Variants in UBB observed in about 807,000 individuals in gnomAD.
UBB encodes ubiquitin B.
A neutral mutation model predicts 12.5 loss-of-function variants in UBB; 11 were observed. The observed-to-expected ratio is 0.88, with a 90% CI of 0.55 to 1.45. The LOEUF (loss-of-function observed/expected upper bound fraction) is 1.45, where lower values mean the gene tolerates loss of function less well. Among genes scored for constraint, UBB ranks in the 40% most tolerant of loss-of-function variants. The pLI, the probability that UBB is intolerant of heterozygous loss-of-function variation, is 0.00. For synonymous variants in UBB, 168 were observed against 120.1 expected (o/e 1.40, Z -2.61); for missense variants, 76 against 286.9 (o/e 0.26, Z 5.31).
chr17:16,381,035 G>T (rs2093272786), upstream of UBB: 2 of 153,536 alleles, frequency 1.3e-5, no homozygotes, highest in East Asian at 1.9e-4. Flanking sequence ...TCTACGTGAG[G>T]GGTGATAAGT....
chr17:16,382,559 ACCCTGCACC>A lies in UBB; in HGVS notation c.653_661del (p.Thr218_Leu221delinsMet), dbSNP rs779875393. ...TGACTACAACATCCAGAAAGAGTCG[ACCCTGCACC>A]TGGTCCTGCGCCTGAGGGGTGGCTG... On this transcript the variant is annotated inframe_deletion, in exon 2 of 2. Coordinates refer to ENST00000302182, the MANE Select transcript of UBB (RefSeq NM_018955.4). 6.2e-7 allele frequency: 1 copy of A among 1,613,952 alleles called. No individual in the cohort carries two copies. Among genetic ancestry groups the A allele is most frequent in the African/African-American group, 1.3e-5 (1 of 75,060 alleles).
chr17:16,381,703 C>T (rs1364668486), intron 1 of UBB, 199 bp from the exon 2 acceptor site: 6 of 735,594 alleles, frequency 8.2e-6, no homozygotes, highest in African/African-American at 1.8e-5. Flanking sequence ...CTGGATTTTC[C>T]GCTGTTGACG....
upstream of UBB, chr17:16,381,026 C>G (rs2093272748): frequency 6.5e-6 from 1 of 153,464 alleles, no homozygotes; most frequent in African/African-American, 2.4e-5. Flanking sequence ...GAGACGGCGT[C>G]TACGTGAGGG....
rs7208009 is a variant in UBB, at chr17:16,381,168, C to T, written c.-23C>T. 3 of 150,966 alleles carry T rather than the reference C, an allele frequency of 2.0e-5. No individual in the cohort carries two copies. Among genetic ancestry groups the T allele is most frequent in the Non-Finnish European group, 2.9e-5 (2 of 68,396 alleles). 9.4% of individuals were successfully genotyped at this position (150,966 alleles called of 1,614,324 possible). On this transcript the variant is annotated 5_prime_UTR_variant, in exon 1 of 2. Coordinates refer to ENST00000302182, the MANE Select transcript of UBB (RefSeq NM_018955.4). ...GACGTGGTTGGTGATTGGCAGGATC[C>T]TGGTATCCGCTAACAGGTACTGGCC...
chr17:16,381,797 A>T, intron 1 of UBB, 105 bp from the exon 2 acceptor site: 1 of 1,366,584 alleles, frequency 7.3e-7, no homozygotes, highest in Non-Finnish European at 9.9e-7. Context: ...TAACGTATTT[A>T]AGGCATTTTG....
rs746049133 is a variant in UBB at position 16,382,120 on chromosome 17, G to C, written c.213G>C (p.Leu71=). 8 of 1,598,612 alleles carry C rather than the reference G, an allele frequency of 5.0e-6. No individual in the cohort carries two copies. The South Asian group carries it at 8.8e-5, about 18-fold the overall frequency. ...AGGAGTCGACCCTGCACCTGGTCCT[G>C]CGTCTGAGAGGTGGTATGCAGATCT... ...IQKESTLHLV[L]RLRGGMQIFV... The change falls in exon 2 of 2, where the codon CTG becomes CTC. Residue 71 remains leucine (L), a synonymous_variant. Transcript: ENST00000302182.
rs773837223 is a variant in UBB at position 16,382,574 on chromosome 17, C to T, written c.667C>T (p.Leu223=). ...GAAAGAGTCGACCCTGCACCTGGTC[C>T]TGCGCCTGAGGGGTGGCTGTTAATT... ...IQKESTLHLV[L]RLRGGC is the part of the protein sequence containing the mutation. Residue 223 remains leucine (L), a synonymous_variant, in exon 2 of 2, where the codon CTG becomes TTG. Transcript: ENST00000302182. The T allele has an allele frequency of 1.2e-6, 2 of 1,613,990 alleles. No homozygotes were observed. The highest frequency in any genetic ancestry group is 4.5e-5 in the East Asian group (2 of 44,894).
rs1259917076 is a variant in UBB at position 16,381,551 on chromosome 17, C to A, written c.-6-351C>A. The A allele has an allele frequency of 1.1e-5, 3 of 277,326 alleles. No homozygotes were observed. In the East Asian group the frequency reaches 2.5e-4, roughly 23 times the overall value. The allele number at this position is 277,326 out of a possible 1,614,324, so 17.2% of individuals were successfully genotyped here. A position where few individuals can be genotyped will look rare whatever the true frequency, so the allele number is the denominator to read the frequency against. ...TTGTGTTTCAATGGGATTTTTATTTCGCGAGTCTTGTGGGTTTGGTTTTGT... is the reference window on the plus strand; with the variant it reads ...TTGTGTTTCAATGGGATTTTTATTTAGCGAGTCTTGTGGGTTTGGTTTTGT... On this transcript the variant is annotated intron_variant, in intron 1 of 1. Transcript: ENST00000302182.
rs1061290 is a variant in UBB, at chr17:16,382,641, C to G, written c.*44C>G. 4 of 1,607,214 alleles carry G rather than the reference C, an allele frequency of 2.5e-6. No homozygotes were observed. Among genetic ancestry groups the G allele is most frequent in the Non-Finnish European group, 1.7e-6 (2 of 1,176,008 alleles). On this transcript the variant is annotated 3_prime_UTR_variant, in exon 2 of 2. Transcript: ENST00000302182. ...CGCAGTGCCCAGTGATGGCATTACT[C>G]TGCACTATAGCCATTTGCCCCAACT...
chr17:16,382,259 A>C lies in UBB; in HGVS notation c.352A>C (p.Arg118=). The C allele has an allele frequency of 6.2e-7, 1 of 1,609,374 alleles. No individual in the cohort carries two copies. The highest frequency in any genetic ancestry group is 2.2e-5 in the East Asian group (1 of 44,792). ...DKEGIPPDQQ[R]LIFAGKQLED... is the part of the protein sequence containing the mutation. ...AGAAGGCATCCCTCCCGACCAGCAG[A>C]GGCTCATCTTTGCAGGCAAGCAGCT... The change falls in exon 2 of 2, where the codon AGG becomes CGG. Residue 118 remains arginine, a synonymous_variant. Coordinates refer to ENST00000302182, the MANE Select transcript of UBB (RefSeq NM_018955.4).
In UBB at chr17:16,382,623, C is replaced by G. The variant is rs771528886; in HGVS notation, c.*26C>G. On this transcript the variant is annotated 3_prime_UTR_variant, in exon 2 of 2. Coordinates refer to ENST00000302182, the MANE Select transcript of UBB (RefSeq NM_018955.4). The stretch of plus-strand genomic sequence containing the variant: ...TTCTTCAGTCATGGCATTCGCAGTG[C>G]CCAGTGATGGCATTACTCTGCACTA... The G allele has an allele frequency of 4.3e-5, 70 of 1,612,742 alleles. 1 individual carries two copies. The Admixed American group carries it at 5.8e-4, about 13-fold the overall frequency.
chr17:16,381,682 AAG>A (rs1240345333), intron 1 of UBB: 3 of 644,388 alleles, frequency 4.7e-6, no homozygotes, highest in Non-Finnish European at 7.7e-6. Flanking sequence ...GACGCTTGGT[AAG>A]AGAGCGCTCT....
At chr17:16,381,849 C>T (rs2093276603) in intron 1 of UBB, 53 bp from the exon 2 acceptor site, 6 of 1,586,022 alleles carry the variant, frequency 3.8e-6, no homozygotes, top group Admixed American at 3.6e-5. Flanking sequence ...GGTGTAAAAG[C>T]AAGAAATACA....
In UBB at chr17:16,382,352, C is replaced by T. The variant is rs761062461; in HGVS notation, c.445C>T (p.Leu149=). ...GTCGACCCTGCACCTGGTCCTGCGTCTGAGAGGTGGTATGCAGATCTTCGT... is the reference window on the plus strand; with the variant it reads ...GTCGACCCTGCACCTGGTCCTGCGTTTGAGAGGTGGTATGCAGATCTTCGT... ...KESTLHLVLR[L]RGGMQIFVKT... The change falls in exon 2 of 2, where the codon CTG becomes TTG. Residue 149 remains leucine (L), a synonymous_variant. Coordinates refer to ENST00000302182, the MANE Select transcript of UBB (RefSeq NM_018955.4). 2.5e-6 allele frequency: 4 copies of T among 1,604,850 alleles called. No homozygotes were observed. The highest frequency in any genetic ancestry group is 3.4e-5 in the Admixed American group (2 of 58,832).
At position 16,382,136 on chromosome 17, in the gene UBB, A is replaced by T. The variant is rs1311305261; in HGVS notation, c.229A>T (p.Met77Leu). Reference sequence around the variant, plus strand: ...CCTGGTCCTGCGTCTGAGAGGTGGTATGCAGATCTTCGTGAAGACCCTGAC... The same window carrying T: ...CCTGGTCCTGCGTCTGAGAGGTGGTTTGCAGATCTTCGTGAAGACCCTGAC... ...LHLVLRLRGG[M>L]QIFVKTLTGK... is the part of the protein sequence containing the mutation. The change falls in exon 2 of 2, where the codon ATG becomes TTG. Residue 77 changes from methionine to leucine, a missense_variant. Met to Leu is a conservative substitution (Grantham distance 15). Coordinates refer to ENST00000302182, the MANE Select transcript of UBB (RefSeq NM_018955.4). The T allele has an allele frequency of 6.2e-7, 1 of 1,607,740 alleles. No individual in the cohort carries two copies. Among genetic ancestry groups the T allele is most frequent in the Non-Finnish European group, 8.5e-7 (1 of 1,178,406 alleles).
chr17:16,382,105 C>T lies in UBB; in HGVS notation c.198C>T (p.Thr66=), dbSNP rs756611923. ...LSDYNIQKES[T]LHLVLRLRGG... ...ACTACAACATCCAGAAGGAGTCGAC[C>T]CTGCACCTGGTCCTGCGTCTGAGAG... Residue 66 remains threonine, a synonymous_variant, in exon 2 of 2, where the codon ACC becomes ACT. Transcript: ENST00000302182. 26 of 1,606,888 alleles carry T rather than the reference C, an allele frequency of 1.6e-5. No homozygotes were observed. In the South Asian group the frequency reaches 2.6e-4, roughly 16 times the overall value.
At chr17:16,380,913 T>C (rs2093272397), upstream of UBB, 1 of 153,682 alleles carries the variant, frequency 6.5e-6, no homozygotes, top group East Asian at 1.9e-4. Flanking sequence ...AAATAATTTT[T>C]TAGGAGCCTT....
Position 16,382,556 on chromosome 17 carries a change from T to G in UBB, c.649T>G (p.Ser217Ala), listed in dbSNP as rs747912695. 1.2e-6 allele frequency: 2 copies of G among 1,613,656 alleles called. No individual in the cohort carries two copies. The highest frequency in any genetic ancestry group is 1.7e-6 in the Non-Finnish European group (2 of 1,179,838). ...TLSDYNIQKE[S>A]TLHLVLRLRG... is the part of the protein sequence containing the mutation. ...TTCTGACTACAACATCCAGAAAGAGTCGACCCTGCACCTGGTCCTGCGCCT... is the reference window on the plus strand; with the variant it reads ...TTCTGACTACAACATCCAGAAAGAGGCGACCCTGCACCTGGTCCTGCGCCT... Residue 217 changes from serine to alanine, a missense_variant, in exon 2 of 2, where the codon TCG becomes GCG. Coordinates refer to ENST00000302182, the MANE Select transcript of UBB (RefSeq NM_018955.4).
intron 1 of UBB, chr17:16,381,466 GT>G (rs990170547): frequency 1.2e-4 from 24 of 198,772 alleles, no homozygotes; most frequent in Middle Eastern, 2.6e-3. Context: ...AAAAGAGGTA[GT>G]TTGTGTGGTT....
Sources: gnomAD v4.1 joint callset for allele counts on GRCh38, gnomAD v4.1.1 for gene constraint, MANE v1.5 for transcripts, NCBI Gene and HGNC (gene_info 2026-07-23, HGNC 2026-07-21) for gene names.